Variants in TCF4 observed in about 807,000 individuals in gnomAD.
TCF4 encodes the protein SL3-3 enhancer factor 2.
TCF4 carries 3 observed loss-of-function variants against 82.1 expected under a neutral mutation model. The observed-to-expected ratio is 0.04, with a 90% CI of 0.02 to 0.09. The LOEUF is 0.09. Among genes scored for constraint, TCF4 ranks in the 10% least tolerant of loss-of-function variants. TCF4 has a pLI of 1.00. For missense variants in TCF4, 518 were observed against 852.7 expected (o/e 0.61, Z 4.89); for synonymous variants, 276 against 309.6 (o/e 0.89, Z 1.14).
At chr18:55,362,119 T>C (rs2085347166) in intron 6 of TCF4, among the ~76,000 whole-genome samples, 1 of 152,036 alleles carries the variant, frequency 6.6e-6, no homozygotes, top group Admixed American at 6.6e-5. Flanking sequence ...TTATCTCCAA[T>C]GACTGCTAGT....
At chr18:55,589,493 T>C (rs145792074), upstream of TCF4, 1 of 1,050,430 alleles carries the variant, frequency 9.5e-7, no homozygotes, top group African/African-American at 1.7e-5. Context: ...TTTTCCACCA[T>C]AAAACTGCAA....
chr18:55,266,955 C>T (rs556066213), intron 11 of TCF4: 3 of 152,208 alleles, frequency 2.0e-5, no homozygotes, highest in African/African-American at 7.2e-5. Flanking sequence ...AACTGCTGAC[C>T]ACCAGAAAGA....
At chr18:55,480,352 C>T (rs973032015) in intron 3 of TCF4, among the ~76,000 whole-genome samples, 3 of 145,872 alleles carry the variant, frequency 2.1e-5, no homozygotes, top group Non-Finnish European at 4.5e-5. Flanking sequence ...ATGGTCATAG[C>T]ATGATATTTG....
intron 3 of TCF4, among the ~76,000 whole-genome samples, chr18:55,573,945 T>C (rs889695975): frequency 9.2e-5 from 14 of 152,148 alleles, no homozygotes; most frequent in Admixed American, 2.0e-4. Context: ...TGTGTATCAA[T>C]TTAAACACAA....
intron 8 of TCF4, among the ~76,000 whole-genome samples, chr18:55,309,998 C>CAAA (rs1248660387): frequency 6.6e-6 from 1 of 152,116 alleles, no homozygotes; most frequent in African/African-American, 2.4e-5. Context: ...GTCTGGCACA[C>CAAA]AAAAAGAATG....
chr18:55,611,217 A>G (rs2097706703), intron 2 of TCF4, among the ~76,000 whole-genome samples: 2 of 152,158 alleles, frequency 1.3e-5, no homozygotes, highest in African/African-American at 4.8e-5. Context: ...ATCTTACATG[A>G]CTGCCACAAA....
rs908851114 is a variant in TCF4, at chr18:55,282,930, G to A, written c.550-3274C>T. ...TGAGAAGTGTGAAACTTTTGTTGCC[G>A]AATTGGAAATGGAAAGACTTGGTGA... On this transcript the variant is annotated intron_variant, in intron 8 of 19. Transcript: ENST00000354452. 1.9e-4 allele frequency among the ~76,000 whole-genome samples: 29 copies of A among 151,830 alleles called. 1 individual carries two copies. Among genetic ancestry groups the A allele is most frequent in the African/African-American group, 3.2e-4 (13 of 41,162 alleles).
At chr18:55,345,366 A>C (rs1456977151) in intron 8 of TCF4, among the ~76,000 whole-genome samples, 1 of 151,504 alleles carries the variant, frequency 6.6e-6, no homozygotes, top group Non-Finnish European at 1.5e-5. Flanking sequence ...GCACACACAC[A>C]AAAATACTTT....
chr18:55,250,722 C>G (rs991091910), intron 15 of TCF4, among the ~76,000 whole-genome samples: 2 of 152,186 alleles, frequency 1.3e-5, no homozygotes, highest in Non-Finnish European at 2.9e-5. Context: ...TTTCTTTTCT[C>G]CCGTTTCTAT....
intron 3 of TCF4, among the ~76,000 whole-genome samples, chr18:55,538,026 GCACA>G (rs57686777): frequency 0.044 from 5,789 of 131,410 alleles, 139 homozygotes; most frequent in African/African-American, 0.052. Flanking sequence ...CTGCGCGCGC[GCACA>G]CACACACACA....
intron 5 of TCF4, among the ~76,000 whole-genome samples, chr18:55,437,656 AT>A (rs1569475449): frequency 1.3e-5 from 2 of 152,108 alleles, no homozygotes; most frequent in Admixed American, 6.5e-5. Flanking sequence ...TCCTGTTTAA[AT>A]AACAGAAGCC....
chr18:55,589,144 C>T (rs528953997), upstream of TCF4, among the ~76,000 whole-genome samples: 9 of 151,828 alleles, frequency 5.9e-5, no homozygotes, highest in African/African-American at 9.7e-5. Context: ...GCTAGATGTG[C>T]GAGTACATAC....
chr18:55,418,408 C>A (rs1018935075), intron 5 of TCF4, among the ~76,000 whole-genome samples: 2 of 151,908 alleles, frequency 1.3e-5, no homozygotes, highest in Admixed American at 6.6e-5. Flanking sequence ...ATTTGCATCT[C>A]CCTTATTTTT....
intron 14 of TCF4, among the ~76,000 whole-genome samples, chr18:55,254,964 A>G (rs1293366641): frequency 1.3e-5 from 2 of 152,232 alleles, no homozygotes; most frequent in African/African-American, 2.4e-5. Context: ...CATGTGCTAT[A>G]TACGGTACTG....
chr18:55,310,129 G>A (rs1214890968), intron 8 of TCF4, among the ~76,000 whole-genome samples: 1 of 152,188 alleles, frequency 6.6e-6, no homozygotes, highest in East Asian at 1.9e-4. Flanking sequence ...CAGATGTGAT[G>A]TACAAAGTAA....
chr18:55,298,142 T>C (rs2067076765), intron 8 of TCF4, among the ~76,000 whole-genome samples: 1 of 152,218 alleles, frequency 6.6e-6, no homozygotes, highest in Admixed American at 6.5e-5. Context: ...TATCTAACAC[T>C]ATCTCATGCC....
intron 6 of TCF4, among the ~76,000 whole-genome samples, chr18:55,367,646 T>A (rs1344687468): frequency 6.6e-6 from 1 of 152,350 alleles, no homozygotes; most frequent in African/African-American, 2.4e-5. Flanking sequence ...GTCCTCCTCA[T>A]TTATGAATGT....
intron 3 of TCF4, among the ~76,000 whole-genome samples, chr18:55,532,919 T>A (rs1385497924): frequency 6.6e-6 from 1 of 152,144 alleles, no homozygotes; most frequent in Non-Finnish European, 1.5e-5. Context: ...ACACAATAGC[T>A]GCCTTCTTAA....
chr18:55,306,340 A>G (rs2070330843), intron 8 of TCF4, among the ~76,000 whole-genome samples: 1 of 152,206 alleles, frequency 6.6e-6, no homozygotes, highest in African/African-American at 2.4e-5. Context: ...CTTTCTTATA[A>G]AAGAACCAGT....
Sources: allele counts gnomAD v4.1 joint callset (sites outside exome capture counted in the v4.1 genomes callset), GRCh38; gene constraint gnomAD v4.1.1; transcripts MANE v1.5; gene names NCBI Gene and HGNC (gene_info 2026-07-23, HGNC 2026-07-21).